The following SUFU variants were observed in gnomAD, a reference collection of about 807,000 sequenced individuals.
The protein encoded by SUFU is SUFU negative regulator of hedgehog signaling.
A neutral mutation model predicts 58.9 loss-of-function variants in SUFU; 7 were observed. The ratio of observed to expected loss-of-function variants is 0.12; its 90% CI spans 0.07 to 0.22. The LOEUF (loss-of-function observed/expected upper bound fraction) is 0.22, where lower values mean the gene tolerates loss of function less well. Among genes scored for constraint, SUFU ranks in the 10% least tolerant of loss-of-function variants. SUFU has a pLI of 1.00. For missense variants in SUFU, 451 were observed against 641.3 expected (o/e 0.70, Z 3.20); for synonymous variants, 232 against 254.8 (o/e 0.91, Z 0.85).
chr10:102,628,054 G>A lies in SUFU; in HGVS notation c.1365+811G>A. On this transcript the variant is annotated intron_variant, in intron 11 of 11. Transcript: ENST00000369902. This position sits in a 1 kb window ranked among gnomAD's most constrained non-coding sequence, Gnocchi z 4.5. ...AGCTCTCCTGGGCCCTGCCCTGCCT[G>A]TGGCAGAGGCAGACCCTTCCCTTGT... Among the ~76,000 whole-genome samples the A allele has an allele frequency of 6.6e-6, 1 of 152,200 alleles. No individual in the cohort carries two copies. Among genetic ancestry groups the A allele is most frequent in the Non-Finnish European group, 1.5e-5 (1 of 68,026 alleles).
In SUFU at chr10:102,629,344, T is replaced by C. The variant is rs943387210; in HGVS notation, c.1366-722T>C. Among the ~76,000 whole-genome samples, 1 of 152,206 alleles carries C rather than the reference T, an allele frequency of 6.6e-6. No individual in the cohort carries two copies. The highest frequency in any genetic ancestry group is 1.5e-5 in the Non-Finnish European group (1 of 68,024). ...CAGGTGAATGGGAGAAACAGAACTGTAGGCAAATCAGTGTATCCTGGGATG... is the reference window on the plus strand; with the variant it reads ...CAGGTGAATGGGAGAAACAGAACTGCAGGCAAATCAGTGTATCCTGGGATG... On this transcript the variant is annotated intron_variant, in intron 11 of 11. Transcript: ENST00000369902. The surrounding 1 kb of genome is among the most constrained non-coding windows in gnomAD (Gnocchi z 4.7).
chr10:102,542,444 ATT>A (rs1157976114), intron 2 of SUFU, among the ~76,000 whole-genome samples: 12,991 of 122,280 alleles, frequency 0.11, 897 homozygotes, highest in African/African-American at 0.23. Flanking sequence ...ATATATATAT[ATT>A]TTTTTTTAAG....
chr10:102,627,375 G>C, intron 11 of SUFU, 132 bp downstream of exon 11: 1 of 888,736 alleles, frequency 1.1e-6, no homozygotes, highest in Admixed American at 1.7e-5. Flanking sequence ...TATCTGTGTG[G>C]CTGCATCTGT....
chr10:102,565,427 G>T (rs891811161), intron 3 of SUFU, among the ~76,000 whole-genome samples: 3 of 152,130 alleles, frequency 2.0e-5, no homozygotes, highest in Non-Finnish European at 4.4e-5. Flanking sequence ...GGGTTGGGGG[G>T]TATGCATCTC....
intron 10 of SUFU, among the ~76,000 whole-genome samples, chr10:102,624,744 T>G (rs2135949840): frequency 6.6e-6 from 1 of 152,326 alleles, no homozygotes; most frequent in East Asian, 1.9e-4. Flanking sequence ...CAGACCTTTG[T>G]CAGGGGAACC....
chr10:102,502,957 C>T (rs556370117), upstream of SUFU, among the ~76,000 whole-genome samples: 1 of 152,258 alleles, frequency 6.6e-6, no homozygotes, highest in African/African-American at 2.4e-5. Flanking sequence ...ATCTGTAGTC[C>T]CTTTGAAGGA....
chr10:102,561,667 C>CTTTTTAAGCTT (rs2063038357), intron 3 of SUFU, among the ~76,000 whole-genome samples: 1 of 110,618 alleles, frequency 9.0e-6, no homozygotes, highest in Non-Finnish European at 1.8e-5. Context: ...GACCAGCAAG[C>CTTTTTAAGCTT]TTTTTTTTTT....
At chr10:102,592,546 C>A (rs775073113) in intron 3 of SUFU, 36 bp from the exon 4 acceptor site, 2 of 1,612,848 alleles carry the variant, frequency 1.2e-6, no homozygotes, top group African/African-American at 1.3e-5. Flanking sequence ...GGATCTGGGG[C>A]CTTGAACAAT....
intron 10 of SUFU, among the ~76,000 whole-genome samples, chr10:102,622,972 CAA>C (rs1316670096): frequency 7.0e-5 from 5 of 70,942 alleles, no homozygotes; most frequent in Admixed American, 2.3e-4. Context: ...GCCTGGAAAA[CAA>C]GAGCAAAACT....
chr10:102,533,759 T>C (rs899705325), intron 2 of SUFU, among the ~76,000 whole-genome samples: 3 of 152,166 alleles, frequency 2.0e-5, no homozygotes, highest in Non-Finnish European at 4.4e-5. Flanking sequence ...ATGGATTAGA[T>C]TGAGCCCACC....
chr10:102,537,776 C>A (rs1411325093), intron 2 of SUFU, among the ~76,000 whole-genome samples: 1 of 152,142 alleles, frequency 6.6e-6, no homozygotes, highest in Non-Finnish European at 1.5e-5. Context: ...TATGTGTATA[C>A]CAATTTGGCT....
intron 3 of SUFU, among the ~76,000 whole-genome samples, chr10:102,565,039 A>G (rs1453726814): frequency 6.6e-6 from 1 of 151,734 alleles, no homozygotes; most frequent in African/African-American, 2.4e-5. Context: ...TTAAACCCTG[A>G]GAGCAGAGGT....
chr10:102,561,086 G>A (rs1288630255), intron 3 of SUFU, among the ~76,000 whole-genome samples: 3 of 152,148 alleles, frequency 2.0e-5, no homozygotes, highest in East Asian at 1.9e-4. Flanking sequence ...CAGGTGATCC[G>A]CCCGCCTTGG....
In SUFU at chr10:102,617,678, C is replaced by G; in HGVS notation, c.1296+250C>G. 1.6e-6 allele frequency: 1 copy of G among 612,966 alleles called. No individual in the cohort carries two copies. The highest frequency in any genetic ancestry group is 2.9e-6 in the Non-Finnish European group (1 of 339,186). The allele number at this position is 612,966 out of a possible 1,614,324, so 38.0% of individuals were successfully genotyped here. A position where few individuals can be genotyped will look rare whatever the true frequency, so the allele number is the denominator to read the frequency against. Reference sequence around the variant, plus strand: ...GACACAAGTGTTAACTCTCCAGGCCCTGGCTCTTGGTAATTCTGGTTCCCC... The same window carrying G: ...GACACAAGTGTTAACTCTCCAGGCCGTGGCTCTTGGTAATTCTGGTTCCCC... On this transcript the variant is annotated intron_variant, in intron 10 of 11. Transcript: ENST00000369902. This position sits in a 1 kb window ranked among gnomAD's most constrained non-coding sequence, Gnocchi z 4.4.
intron 3 of SUFU, among the ~76,000 whole-genome samples, chr10:102,581,510 G>A (rs2063279761): frequency 6.6e-6 from 1 of 152,162 alleles, no homozygotes; most frequent in East Asian, 1.9e-4. Context: ...GTTGACTTGA[G>A]AAGGAGCTGT....
At chr10:102,589,711 G>T (rs2135856895) in intron 3 of SUFU, among the ~76,000 whole-genome samples, 2 of 152,218 alleles carry the variant, frequency 1.3e-5, no homozygotes, top group Middle Eastern at 6.8e-3. Flanking sequence ...CTCCCAAAGT[G>T]CTGGGATTAG....
chr10:102,602,229 G>C (rs1470422481), intron 8 of SUFU, among the ~76,000 whole-genome samples: 1 of 152,156 alleles, frequency 6.6e-6, no homozygotes, highest in Non-Finnish European at 1.5e-5. Flanking sequence ...AGGCTAATAA[G>C]TATCTTTTCC....
Position 102,504,077 on chromosome 10 carries a change from C to G in SUFU, c.-76C>G, listed in dbSNP as rs2062286269. ...CCTCGGGGAGTCTCACCCACCGAGT[C>G]CGCCCGCTGGCCCGTCAGTGCTCTC... On this transcript the variant is annotated 5_prime_UTR_variant, in exon 1 of 12. Transcript: ENST00000369902. 2 of 1,479,548 alleles carry G rather than the reference C, an allele frequency of 1.4e-6. No individual in the cohort carries two copies. Among genetic ancestry groups the G allele is most frequent in the Non-Finnish European group, 1.8e-6 (2 of 1,120,404 alleles). 91.7% of individuals were successfully genotyped at this position (1,479,548 alleles called of 1,614,324 possible).
chr10:102,551,540 A>G (rs1368021278), intron 3 of SUFU, among the ~76,000 whole-genome samples: 3 of 151,610 alleles, frequency 2.0e-5, no homozygotes, highest in African/African-American at 7.3e-5. Flanking sequence ...CGGGAGGCTG[A>G]GGCAGGAGAA....
Sources: allele counts gnomAD v4.1 joint callset (sites outside exome capture counted in the v4.1 genomes callset), GRCh38; gene constraint gnomAD v4.1.1; non-coding constraint Gnocchi (gnomAD v3.1); transcripts MANE v1.5; gene names NCBI Gene and HGNC (gene_info 2026-07-23, HGNC 2026-07-21).